Variants in NUDT13 observed in about 807,000 individuals in gnomAD.
NUDT13 encodes nudix hydrolase 13.
A neutral mutation model predicts 41.7 loss-of-function variants in NUDT13; 40 were observed. That is an observed-to-expected ratio of 0.96 (90% CI 0.75 to 1.25). The LOEUF is 1.25. Ranked by LOEUF, NUDT13 falls within the 50% of genes most tolerant of loss-of-function variation. The pLI is 0.00. For missense variants in NUDT13, 390 were observed against 416.1 expected (o/e 0.94, Z 0.55); for synonymous variants, 145 against 155.5 (o/e 0.93, Z 0.50).
rs1287576452 is a variant in NUDT13, at chr10:73,120,114, G to C, written c.180G>C (p.Gln60His). ...TTCATAGTCTGGCTCCTCTGCTTCA[G>C]ACTTCAGCACATCAATACCTGGCCC... is the stretch of plus-strand genomic sequence containing the variant. ...YLFHSLAPLLQTSAHQYLAPR... is the reference protein window; with the variant it reads ...YLFHSLAPLLHTSAHQYLAPR... Residue 60 changes from glutamine (Q) to histidine (H), a missense_variant, in exon 3 of 9, where the codon CAG becomes CAC. Gln to His is a conservative substitution (Grantham distance 24). Transcript: ENST00000357321. The C allele has an allele frequency of 3.7e-6, 6 of 1,614,054 alleles. No individual in the cohort carries two copies. In the Admixed American group the frequency reaches 1.0e-4, roughly 27 times the overall value.
intron 6 of NUDT13, 64 bp from the exon 7 acceptor site, chr10:73,125,334 A>G: frequency 6.2e-7 from 1 of 1,606,776 alleles, no homozygotes; most frequent in Non-Finnish European, 8.5e-7. Flanking sequence ...TTAATTATAC[A>G]CTGCTTTAGC....
chr10:73,114,030 T>C (rs956706389), intron 1 of NUDT13, among the ~76,000 whole-genome samples: 1 of 152,222 alleles, frequency 6.6e-6, no homozygotes, highest in Admixed American at 6.5e-5. Context: ...TGAATTTGCA[T>C]AGCTGCCTTC....
chr10:73,111,513 G>A (rs1002192011), intron 1 of NUDT13, among the ~76,000 whole-genome samples: 2 of 152,178 alleles, frequency 1.3e-5, no homozygotes, highest in Non-Finnish European at 2.9e-5. Flanking sequence ...AAGATGAACA[G>A]GATAAGAAAC....
At chr10:73,120,582 C>T (rs1241581494) in intron 3 of NUDT13, among the ~76,000 whole-genome samples, 1 of 152,148 alleles carries the variant, frequency 6.6e-6, no homozygotes, top group East Asian at 1.9e-4. Flanking sequence ...AAAAAGTTTG[C>T]CATTCTTTGC....
chr10:73,124,546 C>T (rs1479730121), intron 5 of NUDT13: 1 of 490,956 alleles, frequency 2.0e-6, no homozygotes, highest in African/African-American at 1.9e-5. Context: ...CTCCTAAAGA[C>T]ATGCAGATCT....
intron 8 of NUDT13, among the ~76,000 whole-genome samples, chr10:73,128,615 T>C (rs1222514103): frequency 6.6e-6 from 1 of 152,206 alleles, no homozygotes; most frequent in African/African-American, 2.4e-5. Flanking sequence ...GTTGTAGAAG[T>C]TCCTTATATA....
intron 1 of NUDT13, among the ~76,000 whole-genome samples, chr10:73,111,370 T>C (rs1842363889): frequency 6.6e-6 from 1 of 150,836 alleles, no homozygotes; most frequent in Non-Finnish European, 1.5e-5. Flanking sequence ...TTTTGTCTTG[T>C]TTTGTTTTGT....
intron 8 of NUDT13, among the ~76,000 whole-genome samples, chr10:73,127,671 C>A (rs1448478449): frequency 4.0e-5 from 6 of 151,086 alleles, no homozygotes; most frequent in African/African-American, 1.5e-4. Context: ...ACTATCAATG[C>A]CATAAACTTA....
At chr10:73,126,571 A>G (rs989507858) in intron 7 of NUDT13, 102 bp from the exon 8 acceptor site, 19 of 1,320,890 alleles carry the variant, frequency 1.4e-5, no homozygotes, top group Non-Finnish European at 2.0e-5. Context: ...AGAGCATTTC[A>G]TTGAAACTTT....
intron 5 of NUDT13, 41 bp downstream of exon 5, chr10:73,124,361 C>T: frequency 7.2e-7 from 1 of 1,397,852 alleles, no homozygotes; most frequent in Non-Finnish European, 1.0e-6. Context: ...TTTAGTAGAG[C>T]AGTAAGTGTG....
At chr10:73,127,334 G>A (rs977585072) in intron 8 of NUDT13, among the ~76,000 whole-genome samples, 4 of 151,794 alleles carry the variant, frequency 2.6e-5, no homozygotes, top group African/African-American at 9.7e-5. Context: ...AGCTGAGGTC[G>A]CGCTACTGCA....
chr10:73,126,617 T>A, intron 7 of NUDT13, 56 bp from the exon 8 acceptor site: 1 of 1,579,888 alleles, frequency 6.3e-7, no homozygotes, highest in Non-Finnish European at 8.6e-7. Context: ...AAATGGGCTG[T>A]CTGTATCACC....
Position 73,123,628 on chromosome 10 carries a change from G to A in NUDT13, c.359-586G>A, listed in dbSNP as rs374104536. 5.3e-5 allele frequency among the ~76,000 whole-genome samples: 8 copies of A among 152,064 alleles called. No individual in the cohort carries two copies. In the East Asian group the frequency reaches 1.4e-3, roughly 26 times the overall value. On this transcript the variant is annotated intron_variant, in intron 4 of 8. Transcript: ENST00000357321. ...AGCTGCTTTAGAATCTCCAGGTAGG[G>A]GCTTGAGAATCTTGCTTTTTAAAAA...
intron 1 of NUDT13, among the ~76,000 whole-genome samples, chr10:73,111,834 C>T (rs1024985386): frequency 3.7e-4 from 56 of 152,266 alleles, no homozygotes; most frequent in African/African-American, 1.3e-3. Flanking sequence ...GGAACAGTGG[C>T]ATGGAGGTAG....
At chr10:73,124,655 T>C (rs771625627) in intron 5 of NUDT13, 7 of 223,846 alleles carry the variant, frequency 3.1e-5, no homozygotes, top group African/African-American at 4.5e-5. Flanking sequence ...TACTTTACAT[T>C]GCTTTAATGA....
intron 2 of NUDT13, among the ~76,000 whole-genome samples, chr10:73,118,215 AT>A (rs367926597): frequency 5.8e-4 from 89 of 152,358 alleles, no homozygotes; most frequent in African/African-American, 2.0e-3. Context: ...AAGTTTAAAA[AT>A]ATCACAATTC....
chr10:73,115,800 A>G (rs1842493298), intron 2 of NUDT13, among the ~76,000 whole-genome samples: 1 of 152,102 alleles, frequency 6.6e-6, no homozygotes, highest in Non-Finnish European at 1.5e-5. Context: ...CCCTTCCCCC[A>G]AGAACTAAAC....
rs1187269075 is a variant in NUDT13, at chr10:73,131,624, T to G, written c.*721T>G. 1 of 152,278 alleles carries G rather than the reference T, an allele frequency of 6.6e-6. No individual in the cohort carries two copies. The highest frequency in any genetic ancestry group is 1.5e-5 in the Non-Finnish European group (1 of 68,066). 9.4% of individuals were successfully genotyped at this position (152,278 alleles called of 1,614,324 possible). On this transcript the variant is annotated 3_prime_UTR_variant, in exon 9 of 9. Coordinates refer to ENST00000357321, the MANE Select transcript of NUDT13 (RefSeq NM_015901.6). ...AGACTATTGCTTTGCCATGCCTGTT[T>G]TCCTAAATAAAACAGTTGCTGGCAT... is the stretch of plus-strand genomic sequence containing the variant.
intron 2 of NUDT13, among the ~76,000 whole-genome samples, chr10:73,118,145 T>A (rs528697620): frequency 6.6e-6 from 1 of 152,360 alleles, no homozygotes; most frequent in Admixed American, 6.5e-5. Flanking sequence ...AACTTCTGAG[T>A]GACACGTCTC....
Sources: allele counts gnomAD v4.1 joint callset (sites outside exome capture counted in the v4.1 genomes callset), GRCh38; gene constraint gnomAD v4.1.1; transcripts MANE v1.5; gene names NCBI Gene and HGNC (gene_info 2026-07-23, HGNC 2026-07-21).